Variants in TENM2 observed in about 807,000 individuals in gnomAD.
TENM2 encodes the protein teneurin-2.
A neutral mutation model predicts 245.2 loss-of-function variants in TENM2; 52 were observed. That is an observed-to-expected ratio of 0.21 (90% CI 0.17 to 0.27). The LOEUF (loss-of-function observed/expected upper bound fraction) is 0.27. Among genes scored for constraint, TENM2 ranks in the 10% least tolerant of loss-of-function variants. The pLI is 1.00. For missense variants in TENM2, 3,046 were observed against 3,666.8 expected, an observed-to-expected ratio of 0.83 and a Z score of 4.37; for synonymous variants, 1,363 against 1,438.9, an observed-to-expected ratio of 0.95 and a Z score of 1.19.
intron 2 of TENM2, among the ~76,000 whole-genome samples, chr5:167,678,480 T>C (rs1316893523): frequency 6.6e-6 from 1 of 152,136 alleles, no homozygotes; most frequent in African/African-American, 2.4e-5. Context: ...TTTATCCTTT[T>C]CTTCCCTCTG....
the TENM2 span, among the ~76,000 whole-genome samples, chr5:167,245,337 T>C: frequency 1.3e-5 from 2 of 152,180 alleles, no homozygotes; most frequent in East Asian, 3.8e-4. Flanking sequence ...AAGGAAAATG[T>C]GGCATAGTAT....
chr5:167,505,971 A>C (rs1253206834), intron 2 of TENM2, among the ~76,000 whole-genome samples: 1 of 152,124 alleles, frequency 6.6e-6, no homozygotes, highest in Non-Finnish European at 1.5e-5. Flanking sequence ...GCTTGAGCCC[A>C]GGAATCTGAG....
the TENM2 span, among the ~76,000 whole-genome samples, chr5:167,240,316 A>G: frequency 1.5e-4 from 23 of 150,848 alleles, no homozygotes; most frequent in Admixed American, 9.2e-4. Flanking sequence ...ATTATTAACC[A>G]TTTCTTTAGA....
chr5:167,836,901 T>A (rs1468616775), intron 2 of TENM2, among the ~76,000 whole-genome samples: 1 of 152,210 alleles, frequency 6.6e-6, no homozygotes, highest in African/African-American at 2.4e-5. Context: ...CTCGGTTTTC[T>A]GAGAGGAGGC....
At chr5:168,189,633 A>AGGG (rs1452921977) in intron 13 of TENM2, among the ~76,000 whole-genome samples, 1 of 152,178 alleles carries the variant, frequency 6.6e-6, no homozygotes, top group Non-Finnish European at 1.5e-5. Context: ...TTTCCTAGAA[A>AGGG]ATGTAATACT....
intron 3 of TENM2, among the ~76,000 whole-genome samples, chr5:167,930,299 G>A (rs187541103): frequency 6.6e-6 from 1 of 152,066 alleles, no homozygotes; most frequent in African/African-American, 2.4e-5. Flanking sequence ...GCTTAGGGAT[G>A]CTTAGACATA....
the TENM2 span, among the ~76,000 whole-genome samples, chr5:167,246,364 T>C: frequency 2.6e-4 from 39 of 152,268 alleles, no homozygotes; most frequent in East Asian, 6.0e-3. Flanking sequence ...ACAGGTATCA[T>C]ATACCTATGC....
chr5:168,066,636 T>C (rs1324703776), intron 7 of TENM2, among the ~76,000 whole-genome samples: 1 of 152,196 alleles, frequency 6.6e-6, no homozygotes, highest in Non-Finnish European at 1.5e-5. Flanking sequence ...AGGTATTATA[T>C]ATTGAGCTTT....
At chr5:167,251,810 G>A in the TENM2 span, among the ~76,000 whole-genome samples, 1 of 152,086 alleles carries the variant, frequency 6.6e-6, no homozygotes, top group African/African-American at 2.4e-5. Flanking sequence ...GTTTTACTTT[G>A]GGCATAATGT....
chr5:167,770,060 T>C (rs1350903467), intron 2 of TENM2, among the ~76,000 whole-genome samples: 1 of 152,208 alleles, frequency 6.6e-6, no homozygotes, highest in African/African-American at 2.4e-5. Flanking sequence ...CAACATGTGC[T>C]CCAAGGACCT....
intron 2 of TENM2, among the ~76,000 whole-genome samples, chr5:167,703,843 G>A (rs1758327843): frequency 6.6e-6 from 1 of 152,096 alleles, no homozygotes; most frequent in African/African-American, 2.4e-5. Flanking sequence ...GTAAAAAGAG[G>A]CAAGGATTTG....
At chr5:167,370,186 C>G (rs1760320690) in intron 1 of TENM2, among the ~76,000 whole-genome samples, 1 of 151,738 alleles carries the variant, frequency 6.6e-6, no homozygotes. Context: ...ACTAAAAATA[C>G]AAAAAATTAG....
rs146321641 is a variant in TENM2 at position 168,249,593 on chromosome 5, A to T, written c.7432+1222A>T. Reference sequence around the variant, plus strand: ...GCAGAAGTGAGCTCAAGGCTGAAGGAAGGCTATGAACAAATGTCATAAGGA... The same window carrying T: ...GCAGAAGTGAGCTCAAGGCTGAAGGTAGGCTATGAACAAATGTCATAAGGA... On this transcript the variant is annotated intron_variant, in intron 27 of 28. Transcript: ENST00000518659. Among the ~76,000 whole-genome samples, 659 of 152,296 alleles carry T rather than the reference A, an allele frequency of 4.3e-3. 7 individuals carry two copies. Among genetic ancestry groups the T allele is most frequent in the Admixed American group, 7.5e-3 (115 of 15,298 alleles).
Position 168,162,595 on chromosome 5 carries a change from C to T in TENM2, c.2423-16C>T, listed in dbSNP as rs777703755. 2 of 1,612,528 alleles carry T rather than the reference C, an allele frequency of 1.2e-6. No homozygotes were observed. Among genetic ancestry groups the T allele is most frequent in the East Asian group, 4.5e-5 (2 of 44,800 alleles). On this transcript the variant is annotated splice_polypyrimidine_tract_variant and intron_variant, in intron 12 of 28. Coordinates refer to ENST00000518659, the Ensembl canonical transcript of TENM2. The stretch of plus-strand genomic sequence containing the variant: ...CTCACGTCCCTCCTTCTCATCCTCT[C>T]CATTTCTCCAACCAGATGGCTGCCC...
the TENM2 span, among the ~76,000 whole-genome samples, chr5:167,008,570 G>A: frequency 6.6e-6 from 1 of 152,122 alleles, no homozygotes; most frequent in Non-Finnish European, 1.5e-5. Context: ...GTGCTCAGTT[G>A]TGTCATTTGC....
chr5:168,162,948 G>C (rs140150950), intron 13 of TENM2, among the ~76,000 whole-genome samples, 191 bp downstream of exon 15: 1,992 of 152,320 alleles, frequency 0.013, 48 homozygotes, highest in African/African-American at 0.045. Flanking sequence ...GACACCGGCT[G>C]GAGGCACTGG....
At chr5:168,064,057 A>C (rs1790286407) in intron 7 of TENM2, among the ~76,000 whole-genome samples, 1 of 152,046 alleles carries the variant, frequency 6.6e-6, no homozygotes, top group Admixed American at 6.6e-5. Flanking sequence ...ACCAAGCAGA[A>C]CTCTTGATAA....
chr5:167,481,838 T>C (rs1767777031), intron 2 of TENM2, among the ~76,000 whole-genome samples: 1 of 152,218 alleles, frequency 6.6e-6, no homozygotes, highest in African/African-American at 2.4e-5. Context: ...ATTGTTAGTA[T>C]TATATTTTGA....
At chr5:168,040,094 CCT>C (rs1269166042) in intron 5 of TENM2, among the ~76,000 whole-genome samples, 1 of 152,196 alleles carries the variant, frequency 6.6e-6, no homozygotes, top group Non-Finnish European at 1.5e-5. Context: ...CACACTGCTC[CCT>C]GATCCCAGAG....
Sources: gnomAD v4.1 joint callset for allele counts (sites outside exome capture counted in the v4.1 genomes callset) on GRCh38, gnomAD v4.1.1 for gene constraint, MANE v1.5 for transcripts, NCBI Gene and HGNC (gene_info 2026-07-23, HGNC 2026-07-21) for gene names.